Variants in HSPA12A observed in about 807,000 individuals in gnomAD.
HSPA12A encodes the protein heat shock protein family A (Hsp70) member 12A.
Under a neutral mutation model 69.2 loss-of-function variants are expected in HSPA12A, and 28 were observed. That is an observed-to-expected ratio of 0.40 (90% CI 0.30 to 0.55). The LOEUF (loss-of-function observed/expected upper bound fraction) is 0.55. Among genes scored for constraint, HSPA12A ranks in the 20% least tolerant of loss-of-function variants. The pLI is 0.38. For missense variants in HSPA12A, 686 were observed against 900.7 expected, an observed-to-expected ratio of 0.76 and a Z score of 3.05; for synonymous variants, 345 against 370.5, an observed-to-expected ratio of 0.93 and a Z score of 0.79.
chr10:116,765,039 G>C (rs1036591136), intron 2 of HSPA12A, among the ~76,000 whole-genome samples: 1 of 152,206 alleles, frequency 6.6e-6, no homozygotes, highest in African/African-American at 2.4e-5. Flanking sequence ...GTGGGGACCA[G>C]TGTTTTGACT....
chr10:116,792,790 CAAAAA>C (rs1213747569), intron 2 of HSPA12A, among the ~76,000 whole-genome samples: 1 of 128,658 alleles, frequency 7.8e-6, no homozygotes, highest in African/African-American at 3.0e-5. Context: ...GACCCTGTCT[CAAAAA>C]AGAAAAGAAA....
chr10:116,741,174 C>A (rs1427287668), intron 1 of HSPA12A, among the ~76,000 whole-genome samples: 1 of 152,056 alleles, frequency 6.6e-6, no homozygotes, highest in African/African-American at 2.4e-5. Flanking sequence ...CACTCCCCCA[C>A]CACTGCAGTG....
At chr10:116,722,142 T>G (rs958148481) in intron 1 of HSPA12A, among the ~76,000 whole-genome samples, 1 of 152,168 alleles carries the variant, frequency 6.6e-6, no homozygotes, top group Non-Finnish European at 1.5e-5. Flanking sequence ...CTTCTCTGAC[T>G]TCATTGTTAT....
chr10:116,835,184 G>T (rs1490694944), intron 1 of HSPA12A: 1 of 341,978 alleles, frequency 2.9e-6, no homozygotes, highest in Non-Finnish European at 5.2e-6. Context: ...TCCCTGGCAG[G>T]CCTGTACACT....
chr10:116,787,016 ACGCACG>A lies in HSPA12A; in HGVS notation c.91+47913_91+47918del, dbSNP rs771698118. On this transcript the variant is annotated intron_variant, in intron 2 of 12. Transcript: ENST00000635765. ...CACACACACACACACACATACACAC[ACGCACG>A]CACTCACACACACACGGTCAGATTC... 3.4e-3 allele frequency among the ~76,000 whole-genome samples: 516 copies of A among 150,882 alleles called. 2 individuals carry two copies. The highest frequency in any genetic ancestry group is 6.0e-3 in the Non-Finnish European group (407 of 67,704).
intron 7 of HSPA12A, among the ~76,000 whole-genome samples, chr10:116,683,168 ACACACC>A (rs1849471768): frequency 6.6e-6 from 1 of 151,984 alleles, no homozygotes; most frequent in Non-Finnish European, 1.5e-5. Flanking sequence ...ATAGCCCTCG[ACACACC>A]CACAGAGCCC....
rs1374220389 is a variant in HSPA12A at position 116,674,181 on chromosome 10, CT to C, written c.*599del. On this transcript the variant is annotated 3_prime_UTR_variant, in exon 12 of 12. Coordinates refer to ENST00000369209, the MANE Select transcript of HSPA12A (RefSeq NM_025015.3). Reference sequence around the variant, plus strand: ...GGTTATTCTTCCCTGAACCTCCTTGCTGTTTAAATGATATGAGAATCTAAAA... The same window carrying C: ...GGTTATTCTTCCCTGAACCTCCTTGCGTTTAAATGATATGAGAATCTAAAA... 12 of 153,964 alleles carry C rather than the reference CT, an allele frequency of 7.8e-5. No individual in the cohort carries two copies. Among genetic ancestry groups the C allele is most frequent in the African/African-American group, 2.9e-4 (12 of 41,474 alleles). 9.5% of individuals were successfully genotyped at this position (153,964 alleles called of 1,614,324 possible). A position where few individuals can be genotyped will look rare whatever the true frequency, so the allele number is the denominator to read the frequency against.
chr10:116,791,741 C>T (rs1279887953), intron 2 of HSPA12A, among the ~76,000 whole-genome samples: 2 of 152,096 alleles, frequency 1.3e-5, no homozygotes, highest in African/African-American at 4.8e-5. Context: ...TTGGCATCTC[C>T]TATTCACTAC....
At chr10:116,831,465 C>G (rs1395165016) in intron 2 of HSPA12A, 1 of 152,244 alleles carries the variant, frequency 6.6e-6, no homozygotes, top group East Asian at 1.9e-4. Context: ...CAGATCAGCA[C>G]AACCAGAGTG....
intron 9 of HSPA12A, 141 bp downstream of exon 9, chr10:116,681,011 A>T (rs782179151): frequency 1.2e-5 from 7 of 589,406 alleles, no homozygotes; most frequent in African/African-American, 1.9e-5. Flanking sequence ...TTTCAAGCAG[A>T]CATTAGTATC....
intron 2 of HSPA12A, among the ~76,000 whole-genome samples, chr10:116,775,878 A>G (rs1844324408): frequency 6.6e-6 from 1 of 152,052 alleles, no homozygotes; most frequent in African/African-American, 2.4e-5. Flanking sequence ...TATGCCTTCT[A>G]CTGTGGTCCC....
chr10:116,765,769 G>A (rs1357133302), intron 2 of HSPA12A, among the ~76,000 whole-genome samples: 23 of 152,188 alleles, frequency 1.5e-4, no homozygotes, highest in African/African-American at 5.5e-4. Context: ...GCCCCCTAGG[G>A]AGGGTTTACA....
intron 1 of HSPA12A, among the ~76,000 whole-genome samples, chr10:116,732,175 A>C (rs1226276806): frequency 6.6e-5 from 10 of 151,892 alleles, no homozygotes; most frequent in Non-Finnish European, 1.3e-4. Context: ...TACTAAAACT[A>C]CAAAATTAGC....
chr10:116,831,197 CATT>C (rs1212495233), intron 2 of HSPA12A: 2 of 152,210 alleles, frequency 1.3e-5, no homozygotes, highest in Non-Finnish European at 1.5e-5. Context: ...AGGAAACCAT[CATT>C]GTTACCACTA....
At chr10:116,701,225 T>A in intron 3 of HSPA12A, 96 bp from the exon 4 acceptor site, 2 of 1,199,460 alleles carry the variant, frequency 1.7e-6, no homozygotes, top group Non-Finnish European at 2.4e-6. Context: ...TGAGTGTCAG[T>A]AATGTGGGTG....
intron 1 of HSPA12A, among the ~76,000 whole-genome samples, chr10:116,838,866 A>G (rs1845759369): frequency 6.6e-6 from 1 of 152,258 alleles, no homozygotes; most frequent in African/African-American, 2.4e-5. Context: ...TGTTCTGAGC[A>G]GTAACTGCTA....
At chr10:116,842,896 CAA>C (rs1200979371) in intron 1 of HSPA12A, among the ~76,000 whole-genome samples, 2 of 152,180 alleles carry the variant, frequency 1.3e-5, no homozygotes, top group Non-Finnish European at 2.9e-5. Flanking sequence ...CCCAGCCAGC[CAA>C]AGTTTCTTTT....
chr10:116,841,218 T>C (rs1460949717), intron 1 of HSPA12A, among the ~76,000 whole-genome samples: 1 of 152,164 alleles, frequency 6.6e-6, no homozygotes, highest in Non-Finnish European at 1.5e-5. Context: ...TTCTTTCGTA[T>C]CCCCCAACTG....
At chr10:116,692,224 G>T (rs1169579487) in intron 6 of HSPA12A, 127 bp downstream of exon 6, 1 of 690,974 alleles carries the variant, frequency 1.4e-6, no homozygotes, top group Admixed American at 2.4e-5. Context: ...CTGGCTAGGG[G>T]AGCCTCCTTG....
Sources: gnomAD v4.1 joint callset for allele counts (sites outside exome capture counted in the v4.1 genomes callset) on GRCh38, gnomAD v4.1.1 for gene constraint, MANE v1.5 for transcripts, NCBI Gene and HGNC (gene_info 2026-07-23, HGNC 2026-07-21) for gene names.